RBFOX1: variants seen among roughly 807,000 people sequenced by gnomAD.
RBFOX1 encodes RNA binding fox-1 homolog 1, also known as RNA binding protein fox-1 homolog 1.
In RBFOX1, 8 loss-of-function variants were observed where a neutral mutation model predicts 57.7. That is an observed-to-expected ratio of 0.14 (90% CI 0.08 to 0.25). RBFOX1 has a LOEUF of 0.25. Among genes scored for constraint, RBFOX1 ranks in the 10% least tolerant of loss-of-function variants. The probability of loss-of-function intolerance (pLI) is 1.00; values close to 1 mark genes in which losing one functional copy is unlikely to be tolerated. For synonymous variants in RBFOX1, 326 were observed against 222.4 expected (o/e 1.47, Z -4.15); for missense variants, 611 against 548.5 (o/e 1.11, Z -1.14).
intron 3 of RBFOX1, among the ~76,000 whole-genome samples, chr16:7,047,971 C>T (rs1052683285): frequency 6.6e-6 from 1 of 151,644 alleles, no homozygotes; most frequent in Non-Finnish European, 1.5e-5. Flanking sequence ...CTCCCCCTGC[C>T]GGGTTCAAGC....
intron 1 of RBFOX1, among the ~76,000 whole-genome samples, chr16:6,269,372 A>G (rs1196153256): frequency 1.3e-5 from 2 of 152,218 alleles, no homozygotes; most frequent in African/African-American, 2.4e-5. Context: ...CTGACTGGAT[A>G]TAGTTTCAAA....
chr16:6,675,745 A>G, intron 3 of RBFOX1, among the ~76,000 whole-genome samples: 1 of 152,182 alleles, frequency 6.6e-6, no homozygotes, highest in East Asian at 1.9e-4. Context: ...TTATGAAACC[A>G]TCAGATCTTG....
At chr16:7,563,974 C>T (rs765052693) in intron 5 of RBFOX1, among the ~76,000 whole-genome samples, 2 of 152,094 alleles carry the variant, frequency 1.3e-5, no homozygotes, top group Non-Finnish European at 2.9e-5. Context: ...AACTGAGCAC[C>T]TGATTTCAAG....
Position 7,587,262 on chromosome 16 carries a change from T to A in RBFOX1, c.430T>A (p.Leu144Ile). Residue 144 changes from leucine (L) to isoleucine (I), a missense_variant, in exon 7 of 16, where the codon TTA becomes ATA. Transcript: ENST00000550418. Reference sequence around the variant, plus strand: ...TTCTTTGCAGCAATTTGGTAAAATCTTAGATGTTGAAATTATTTTTAATGA... The same window carrying A: ...TTCTTTGCAGCAATTTGGTAAAATCATAGATGTTGAAATTATTTTTAATGA... The part of the protein sequence containing the change: ...RQMFGQFGKI[L>I]DVEIIFNERG... The A allele has an allele frequency of 6.4e-7, 1 of 1,570,412 alleles. No individual in the cohort carries two copies. The highest frequency in any genetic ancestry group is 2.3e-5 in the East Asian group (1 of 43,874).
At chr16:7,198,240 C>T (rs376971659) in intron 4 of RBFOX1, among the ~76,000 whole-genome samples, 20 of 152,034 alleles carry the variant, frequency 1.3e-4, no homozygotes, top group African/African-American at 1.2e-4. Flanking sequence ...CTCCTAACGT[C>T]GTGATCTGCC....
intron 1 of RBFOX1, among the ~76,000 whole-genome samples, chr16:6,173,023 AT>A (rs536401566): frequency 4.6e-5 from 7 of 152,112 alleles, no homozygotes; most frequent in Non-Finnish European, 1.0e-4. Context: ...TTCTCCATGC[AT>A]TTCTTTGATA....
chr16:6,337,265 T>C (rs771944592), intron 2 of RBFOX1, among the ~76,000 whole-genome samples: 19 of 152,198 alleles, frequency 1.2e-4, no homozygotes, highest in Non-Finnish European at 2.1e-4. Flanking sequence ...TCTCCTTTAA[T>C]GGTGCATTTA....
chr16:5,665,380 G>T (rs1206181740), intron 3 of RBFOX1, among the ~76,000 whole-genome samples: 1 of 150,890 alleles, frequency 6.6e-6, no homozygotes, highest in Admixed American at 6.6e-5. Context: ...TATCTTATGG[G>T]CCTTCTCTGG....
rs57523660 is a variant in RBFOX1, at chr16:6,278,377, C to CAAAAAAAAAAAAAAAAA, written c.-126-38599_-126-38583dup. On this transcript the variant is annotated intron_variant, in intron 1 of 15. Transcript: ENST00000550418. The stretch of plus-strand genomic sequence containing the variant: ...AACTGGGGGAAATTGTAGGACTCAC[C>CAAAAAAAAAAAAAAAAA]AAAAAAAAAAAAAAAAAAAAAAAAA... 7.1e-5 allele frequency among the ~76,000 whole-genome samples: 2 copies of CAAAAAAAAAAAAAAAAA among 28,070 alleles called. 1 individual carries two copies. Among genetic ancestry groups the CAAAAAAAAAAAAAAAAA allele is most frequent in the African/African-American group, 2.5e-4 (2 of 7,944 alleles). The allele number at this position is 28,070 out of a possible 152,430, so 18.4% of individuals were successfully genotyped here.
At chr16:6,267,937 C>G (rs190010666) in intron 1 of RBFOX1, among the ~76,000 whole-genome samples, 129 of 152,256 alleles carry the variant, frequency 8.5e-4, no homozygotes, top group African/African-American at 2.5e-3. Flanking sequence ...TAAAATTTGA[C>G]CTTTTCCCTG....
intron 4 of RBFOX1, among the ~76,000 whole-genome samples, chr16:7,452,515 C>G (rs2057566595): frequency 6.6e-6 from 1 of 152,102 alleles, no homozygotes; most frequent in Non-Finnish European, 1.5e-5. Flanking sequence ...ATCAGTAACA[C>G]AGGAAAATAA....
At chr16:6,739,390 G>T (rs1204175874) in intron 3 of RBFOX1, among the ~76,000 whole-genome samples, 1 of 151,986 alleles carries the variant, frequency 6.6e-6, no homozygotes, top group African/African-American at 2.4e-5. Flanking sequence ...CTCTTGAAAA[G>T]CACAAACTGC....
intron 3 of RBFOX1, among the ~76,000 whole-genome samples, chr16:6,893,018 C>G (rs997973662): frequency 1.3e-5 from 2 of 152,182 alleles, no homozygotes; most frequent in East Asian, 1.9e-4. Context: ...ATTGCAAACA[C>G]TGCAGTTACC....
intron 1 of RBFOX1, among the ~76,000 whole-genome samples, chr16:6,296,029 C>G (rs2078059689): frequency 6.6e-6 from 1 of 152,212 alleles, no homozygotes. Context: ...CAACGTCTCC[C>G]TCTTCTGTAA....
At chr16:6,237,345 G>A (rs1020243203) in intron 1 of RBFOX1, among the ~76,000 whole-genome samples, 4 of 152,332 alleles carry the variant, frequency 2.6e-5, no homozygotes, top group Non-Finnish European at 5.9e-5. Context: ...GCTTGGGCAA[G>A]TTTCATCCTT....
chr16:6,496,242 C>G (rs146433498), intron 2 of RBFOX1, among the ~76,000 whole-genome samples: 8 of 152,190 alleles, frequency 5.3e-5, no homozygotes, highest in African/African-American at 1.9e-4. Flanking sequence ...AGATTGTTGA[C>G]ATAAATGGTG....
intron 3 of RBFOX1, among the ~76,000 whole-genome samples, chr16:6,760,136 A>G (rs2076398330): frequency 6.6e-6 from 1 of 152,198 alleles, no homozygotes; most frequent in Non-Finnish European, 1.5e-5. Context: ...TGTTTTCTTA[A>G]GAAAAAAAAA....
At chr16:5,585,127 C>G (rs982512786) in intron 2 of RBFOX1, among the ~76,000 whole-genome samples, 1 of 152,104 alleles carries the variant, frequency 6.6e-6, no homozygotes, top group Non-Finnish European at 1.5e-5. Context: ...TTTTAATCTC[C>G]CCAAAATAAA....
At chr16:6,915,617 C>G (rs1205113386) in intron 3 of RBFOX1, among the ~76,000 whole-genome samples, 6 of 145,996 alleles carry the variant, frequency 4.1e-5, no homozygotes, top group African/African-American at 1.5e-4. Context: ...GTGCCATGAT[C>G]TCAGGTCACT....
Sources: allele counts gnomAD v4.1 joint callset (sites outside exome capture counted in the v4.1 genomes callset), GRCh38; gene constraint gnomAD v4.1.1; transcripts MANE v1.5; gene names NCBI Gene and HGNC (gene_info 2026-07-23, HGNC 2026-07-21).